The following LMX1A variants were observed in gnomAD, a reference collection of about 807,000 sequenced individuals.
LMX1A encodes the protein LIM homeobox transcription factor 1 alpha.
In LMX1A, 15 loss-of-function variants were observed where a neutral mutation model predicts 49.1. The ratio of observed to expected loss-of-function variants is 0.31; its 90% CI spans 0.20 to 0.47. The LOEUF is 0.47. LMX1A is among the 20% of genes least tolerant of loss of function. LMX1A has a pLI of 1.00. For missense variants in LMX1A, 372 were observed against 475.8 expected (o/e 0.78, Z 2.03); for synonymous variants, 167 against 185.7 (o/e 0.90, Z 0.82).
At chr1:165,259,044 T>C (rs1333797521) in intron 3 of LMX1A, among the ~76,000 whole-genome samples, 1 of 152,252 alleles carries the variant, frequency 6.6e-6, no homozygotes, top group African/African-American at 2.4e-5. Context: ...ACTCCCTTTA[T>C]TAAAATCAGT....
intron 3 of LMX1A, among the ~76,000 whole-genome samples, chr1:165,281,730 T>TTG (rs61207728): frequency 0.18 from 27,089 of 149,498 alleles, 2,434 homozygotes; most frequent in Non-Finnish European, 0.2. Flanking sequence ...AGGCAATATT[T>TTG]TGTGTGTGTG....
intron 3 of LMX1A, among the ~76,000 whole-genome samples, chr1:165,352,169 C>A (rs1656447630): frequency 6.6e-6 from 1 of 152,250 alleles, no homozygotes; most frequent in African/African-American, 2.4e-5. Flanking sequence ...CCCGGCACGC[C>A]CGGAGAGAAT....
chr1:165,251,783 C>T (rs1248871391), intron 3 of LMX1A, among the ~76,000 whole-genome samples: 1 of 152,120 alleles, frequency 6.6e-6, no homozygotes, highest in East Asian at 1.9e-4. Flanking sequence ...CTGCCCTGAT[C>T]TGTGCCCCCT....
At chr1:165,313,947 A>G (rs999204510) in intron 3 of LMX1A, among the ~76,000 whole-genome samples, 6 of 152,180 alleles carry the variant, frequency 3.9e-5, no homozygotes, top group Admixed American at 3.3e-4. Context: ...CATTTCCCAA[A>G]CTGCTTTCAG....
intron 3 of LMX1A, among the ~76,000 whole-genome samples, chr1:165,283,746 T>C (rs980201693): frequency 6.6e-6 from 1 of 152,234 alleles, no homozygotes; most frequent in South Asian, 2.1e-4. Flanking sequence ...GCCTGGCACG[T>C]AGCAGGTTCT....
intron 4 of LMX1A, chr1:165,218,824 C>T (rs1403274530): frequency 6.6e-6 from 1 of 152,108 alleles, no homozygotes; most frequent in African/African-American, 2.4e-5. Flanking sequence ...GACTCCCACT[C>T]CCAGATGCAG....
chr1:165,223,794 T>G (rs1651939325), intron 4 of LMX1A, among the ~76,000 whole-genome samples: 1 of 145,836 alleles, frequency 6.9e-6, no homozygotes, highest in Non-Finnish European at 1.5e-5. Context: ...TATCCTAAGC[T>G]CTAAGTACAA....
At chr1:165,217,167 G>A (rs1651670938) in intron 4 of LMX1A, among the ~76,000 whole-genome samples, 1 of 152,126 alleles carries the variant, frequency 6.6e-6, no homozygotes, top group African/African-American at 2.4e-5. Context: ...TGGTTTTGTG[G>A]ACTGTGCCTG....
Position 165,244,516 on chromosome 1 carries a change from G to A in LMX1A, c.496+4892C>T, listed in dbSNP as rs560960369. ...AGTGTCAGAATTAAATTGAATTAAG[G>A]GATACCCAGCTGGTGTCCACTGGAG... On this transcript the variant is annotated intron_variant, in intron 4 of 8. Coordinates refer to ENST00000342310, the MANE Select transcript of LMX1A (RefSeq NM_177398.4). 1.5e-4 allele frequency among the ~76,000 whole-genome samples: 23 copies of A among 152,198 alleles called. 1 individual carries two copies. The South Asian group carries it at 4.8e-3, about 32-fold the overall frequency.
chr1:165,325,965 C>T (rs143162693), intron 3 of LMX1A, among the ~76,000 whole-genome samples: 391 of 152,296 alleles, frequency 2.6e-3, no homozygotes, highest in African/African-American at 8.6e-3. Context: ...CTTCCCCCAT[C>T]CTCACCAGTG....
chr1:165,260,526 G>T (rs1187020370), intron 3 of LMX1A, among the ~76,000 whole-genome samples: 1 of 152,128 alleles, frequency 6.6e-6, no homozygotes, highest in African/African-American at 2.4e-5. Flanking sequence ...TGTCCAAAAA[G>T]AAACTTTTTT....
chr1:165,245,656 A>G (rs1652827597), intron 4 of LMX1A, among the ~76,000 whole-genome samples: 1 of 151,714 alleles, frequency 6.6e-6, no homozygotes, highest in African/African-American at 2.4e-5. Flanking sequence ...TACTGAAACT[A>G]TAATTACACA....
At chr1:165,321,141 A>G (rs558427210) in intron 3 of LMX1A, among the ~76,000 whole-genome samples, 9 of 152,312 alleles carry the variant, frequency 5.9e-5, no homozygotes, top group Admixed American at 2.0e-4. Context: ...AGTCAAATAC[A>G]AAAGACCTCA....
intron 3 of LMX1A, among the ~76,000 whole-genome samples, chr1:165,276,565 C>G (rs1227423125): frequency 1.3e-5 from 2 of 151,436 alleles, no homozygotes; most frequent in Non-Finnish European, 2.9e-5. Flanking sequence ...ACACAATGCT[C>G]AAAGATTGAG....
chr1:165,272,015 AT>A (rs1288892609), intron 3 of LMX1A, among the ~76,000 whole-genome samples: 1 of 151,750 alleles, frequency 6.6e-6, no homozygotes, highest in South Asian at 2.1e-4. Flanking sequence ...TTTAATATAT[AT>A]TTTTTTAAGT....
intron 3 of LMX1A, among the ~76,000 whole-genome samples, chr1:165,331,696 C>G (rs1469756441): frequency 6.6e-6 from 1 of 152,148 alleles, no homozygotes; most frequent in Non-Finnish European, 1.5e-5. Context: ...GTGGGTGAAT[C>G]CCTTGAGCCC....
intron 3 of LMX1A, among the ~76,000 whole-genome samples, chr1:165,256,285 G>C (rs1653240972): frequency 6.6e-6 from 1 of 152,146 alleles, no homozygotes; most frequent in African/African-American, 2.4e-5. Flanking sequence ...GGGCTCAAAA[G>C]TGCTGCCTTT....
chr1:165,304,544 C>T (rs528469011), intron 3 of LMX1A, among the ~76,000 whole-genome samples: 116 of 152,276 alleles, frequency 7.6e-4, no homozygotes, highest in Admixed American at 1.6e-3. Flanking sequence ...TATTTCTACT[C>T]CCTCGACCCA....
At chr1:165,352,994 G>A in intron 3 of LMX1A, 82 bp downstream of exon 3, 1 of 1,415,622 alleles carries the variant, frequency 7.1e-7, no homozygotes, top group Non-Finnish European at 9.9e-7. Flanking sequence ...TTCCAGAAAA[G>A]GACTAGGGTA....
Sources: gnomAD v4.1 joint callset for allele counts (sites outside exome capture counted in the v4.1 genomes callset) on GRCh38, gnomAD v4.1.1 for gene constraint, MANE v1.5 for transcripts, NCBI Gene and HGNC (gene_info 2026-07-23, HGNC 2026-07-21) for gene names.